Variants in PREX1 observed in about 807,000 individuals in gnomAD.
PREX1 encodes phosphatidylinositol 3,4,5-trisphosphate-dependent Rac exchanger 1 protein.
PREX1 carries 41 observed loss-of-function variants against 198.3 expected under a neutral mutation model. That is an observed-to-expected ratio of 0.21 (90% confidence interval 0.16 to 0.27). The LOEUF is 0.27. Among genes scored for constraint, PREX1 ranks in the 10% least tolerant of loss-of-function variants. The pLI is 1.00. For missense variants in PREX1, 1,620 were observed against 2,200.7 expected (o/e 0.74, Z 5.28); for synonymous variants, 843 against 887.2 (o/e 0.95, Z 0.89).
chr20:48,651,415 C>A lies in PREX1; in HGVS notation c.2636G>T (p.Cys879Phe). The A allele has an allele frequency of 6.2e-7, 1 of 1,608,180 alleles. No homozygotes were observed. Residue 879 changes from cysteine to phenylalanine, a missense_variant, in exon 22 of 40, where the codon TGC becomes TTC. Around this residue, in one of 7 missense-constraint regions of PREX1, gnomAD observed 514 missense variants for 611.6 expected, o/e 0.84. Transcript: ENST00000371941. ...GGAGACCTTGGCGGTGAGGCCGAAGCAGCCGCGGGGCTCCACGATCTTCTC... is the reference window on the plus strand; with the variant it reads ...GGAGACCTTGGCGGTGAGGCCGAAGAAGCCGCGGGGCTCCACGATCTTCTC... ...VLEKIVEPRG[C>F]FGLTAKILEA...
At chr20:48,683,181 C>A (rs989701786) in intron 10 of PREX1, among the ~76,000 whole-genome samples, 5 of 152,206 alleles carry the variant, frequency 3.3e-5, no homozygotes, top group African/African-American at 1.2e-4. Flanking sequence ...TGTTTGAGTG[C>A]CCACTCTCGG....
chr20:48,745,142 C>G lies in PREX1; in HGVS notation c.297G>C (p.Leu99=). 1 of 1,613,782 alleles carries G rather than the reference C, an allele frequency of 6.2e-7. No individual in the cohort carries two copies. The highest frequency in any genetic ancestry group is 8.5e-7 in the Non-Finnish European group (1 of 1,179,734). Residue 99 remains leucine, a synonymous_variant, in exon 3 of 40, where the codon CTG becomes CTC. Coordinates refer to ENST00000371941, the MANE Select transcript of PREX1 (RefSeq NM_020820.4). ...KGLTEENVKV[L]FSNIEDILEV... is the part of the protein sequence containing the mutation. ...CCAGGATGTCTTCGATGTTCGAGAA[C>G]AGGACCTGTGAGGAAAAGAGAGGCC...
chr20:48,852,352 C>T, the PREX1 span, among the ~76,000 whole-genome samples: 14 of 151,870 alleles, frequency 9.2e-5, no homozygotes, highest in African/African-American at 1.7e-4. Flanking sequence ...GTGCTGGAGG[C>T]GGAATTTTTT....
intron 7 of PREX1, among the ~76,000 whole-genome samples, chr20:48,698,963 G>T (rs1055424639): frequency 1.1e-4 from 17 of 152,294 alleles, no homozygotes; most frequent in African/African-American, 4.1e-4. Context: ...GGTTAAACGG[G>T]GATCCAATGG....
At chr20:48,764,621 A>G (rs1210455376) in intron 1 of PREX1, among the ~76,000 whole-genome samples, 2 of 152,092 alleles carry the variant, frequency 1.3e-5, no homozygotes, top group Non-Finnish European at 2.9e-5. Flanking sequence ...AATCTCTAGT[A>G]AAAATTAAAA....
At chr20:48,776,212 T>C (rs1168685839) in intron 1 of PREX1, among the ~76,000 whole-genome samples, 1 of 152,010 alleles carries the variant, frequency 6.6e-6, no homozygotes, top group Non-Finnish European at 1.5e-5. Context: ...TGCAGGGGCA[T>C]CTAATGAGGA....
intron 3 of PREX1, among the ~76,000 whole-genome samples, chr20:48,741,336 ATTTT>A (rs529633460): frequency 6.7e-6 from 1 of 148,160 alleles, no homozygotes; most frequent in South Asian, 2.3e-4. Context: ...TTGGGGCTCG[ATTTT>A]TTTTTTATTT....
the PREX1 span, among the ~76,000 whole-genome samples, chr20:48,863,666 C>T: frequency 6.7e-6 from 1 of 149,264 alleles, no homozygotes. Flanking sequence ...TGGCTCACTG[C>T]AGCCTCCGCC....
intron 1 of PREX1, among the ~76,000 whole-genome samples, chr20:48,773,137 G>A (rs796389758): frequency 2.9e-4 from 44 of 152,098 alleles, no homozygotes; most frequent in African/African-American, 1.1e-3. Flanking sequence ...TGAGGTGGCA[G>A]GTGTCGGTAA....
chr20:48,704,738 T>C (rs952212631), intron 6 of PREX1, among the ~76,000 whole-genome samples: 5 of 152,194 alleles, frequency 3.3e-5, no homozygotes, highest in African/African-American at 1.2e-4. Flanking sequence ...GTATGTTTAA[T>C]AGAGAAGGGG....
intron 25 of PREX1, among the ~76,000 whole-genome samples, 157 bp downstream of exon 25, chr20:48,649,143 G>A (rs117878129): frequency 9.3e-4 from 141 of 152,296 alleles, no homozygotes; most frequent in Admixed American, 6.3e-3. Context: ...GCTACTGGCA[G>A]CTAGTGGATA....
chr20:48,774,882 C>T (rs2090253763), intron 1 of PREX1, among the ~76,000 whole-genome samples: 1 of 152,280 alleles, frequency 6.6e-6, no homozygotes, highest in Non-Finnish European at 1.5e-5. Flanking sequence ...CAGCCTCAGC[C>T]TGCCATGGGG....
chr20:48,685,178 C>A (rs1601075223), intron 10 of PREX1, among the ~76,000 whole-genome samples: 1 of 152,190 alleles, frequency 6.6e-6, no homozygotes. Context: ...TCCCGACTGG[C>A]ACATAGCAGG....
upstream of PREX1, among the ~76,000 whole-genome samples, chr20:48,832,314 T>C (rs1220841992): frequency 1.3e-5 from 2 of 152,192 alleles, no homozygotes; most frequent in Non-Finnish European, 2.9e-5. Flanking sequence ...GAGTTTCTTA[T>C]TCCCTGACAA....
intron 1 of PREX1, among the ~76,000 whole-genome samples, chr20:48,764,949 A>T (rs1193026819): frequency 6.6e-6 from 1 of 151,982 alleles, no homozygotes; most frequent in African/African-American, 2.4e-5. Flanking sequence ...AAGGAAACGG[A>T]TTCTCCCCAG....
intron 19 of PREX1, among the ~76,000 whole-genome samples, 196 bp from the exon 20 acceptor site, chr20:48,653,693 A>G (rs896187674): frequency 6.6e-6 from 1 of 152,200 alleles, no homozygotes; most frequent in African/African-American, 2.4e-5. Flanking sequence ...GAAGAAACTA[A>G]GGTTCAGAGA....
intron 15 of PREX1, among the ~76,000 whole-genome samples, chr20:48,660,443 A>G (rs952479063): frequency 2.6e-5 from 4 of 152,220 alleles, no homozygotes; most frequent in African/African-American, 9.6e-5. Context: ...ATGATCATAG[A>G]GTATTCTGCA....
chr20:48,737,391 A>C (rs1224441705), intron 3 of PREX1, among the ~76,000 whole-genome samples: 1 of 152,074 alleles, frequency 6.6e-6, no homozygotes, highest in Admixed American at 6.6e-5. Flanking sequence ...TTCTCCCCTG[A>C]ATCTCCTGGG....
intron 3 of PREX1, among the ~76,000 whole-genome samples, chr20:48,741,558 G>A (rs551285237): frequency 1.3e-5 from 2 of 152,134 alleles, no homozygotes; most frequent in African/African-American, 2.4e-5. Context: ...CAGAGACAGA[G>A]CAGTGAACAT....
Sources: gnomAD v4.1 joint callset for allele counts (sites outside exome capture counted in the v4.1 genomes callset) on GRCh38, gnomAD v4.1.1 for gene constraint, gnomAD v4.1.1 regional missense constraint, MANE v1.5 for transcripts, NCBI Gene and HGNC (gene_info 2026-07-23, HGNC 2026-07-21) for gene names.